Variants in GRM8 observed in about 807,000 individuals in gnomAD.
GRM8 encodes metabotropic glutamate receptor 8.
A neutral mutation model predicts 87.2 loss-of-function variants in GRM8; 47 were observed. The ratio of observed to expected loss-of-function variants is 0.54; its 90% CI spans 0.43 to 0.69. GRM8 has a LOEUF of 0.69. GRM8 is among the 30% of genes least tolerant of loss of function. The probability of loss-of-function intolerance (pLI) is 0.00; values close to 1 mark genes in which losing one functional copy is unlikely to be tolerated. For synonymous variants in GRM8, 396 were observed against 404.5 expected (o/e 0.98, Z 0.25); for missense variants, 1,019 against 1,139.2 (o/e 0.89, Z 1.52).
At chr7:126,702,354 C>T (rs1026915211) in intron 7 of GRM8, among the ~76,000 whole-genome samples, 2 of 152,220 alleles carry the variant, frequency 1.3e-5, no homozygotes, top group African/African-American at 4.8e-5. Flanking sequence ...CCTCATTTTG[C>T]ATACCTTCTT....
chr7:126,799,345 C>CAA (rs1822376520), intron 6 of GRM8, among the ~76,000 whole-genome samples: 2 of 152,038 alleles, frequency 1.3e-5, no homozygotes, highest in African/African-American at 4.8e-5. Context: ...CAACAAACAT[C>CAA]CCACGTGAGA....
chr7:126,908,202 G>A (rs1185127497), intron 3 of GRM8, among the ~76,000 whole-genome samples: 2 of 152,174 alleles, frequency 1.3e-5, no homozygotes, highest in Non-Finnish European at 2.9e-5. Context: ...GTGGGGCAAA[G>A]AGGTCACTGA....
At chr7:127,249,687 C>T (rs1262744831) in intron 1 of GRM8, among the ~76,000 whole-genome samples, 1 of 152,140 alleles carries the variant, frequency 6.6e-6, no homozygotes, top group Non-Finnish European at 1.5e-5. Context: ...ATCTAAATTC[C>T]AATTCCTAGC....
intron 7 of GRM8, among the ~76,000 whole-genome samples, chr7:126,616,759 T>C (rs1799542142): frequency 6.6e-6 from 1 of 152,024 alleles, no homozygotes; most frequent in Admixed American, 6.6e-5. Flanking sequence ...ACTGCGGAAA[T>C]AAACTAGAAA....
chr7:127,015,181 GA>G (rs1815462811), intron 3 of GRM8, among the ~76,000 whole-genome samples: 1 of 38,180 alleles, frequency 2.6e-5, no homozygotes, highest in Admixed American at 3.4e-4. Flanking sequence ...AGAAGGAGAA[GA>G]AGAAGAAGAA....
chr7:126,615,764 A>T (rs549081452), intron 7 of GRM8, among the ~76,000 whole-genome samples: 40 of 152,332 alleles, frequency 2.6e-4, no homozygotes, highest in African/African-American at 9.4e-4. Context: ...AACAAAGATC[A>T]AAAGAGACAA....
intron 2 of GRM8, among the ~76,000 whole-genome samples, chr7:127,113,864 G>A (rs372310735): frequency 1.4e-4 from 22 of 152,272 alleles, no homozygotes; most frequent in African/African-American, 5.3e-4. Context: ...CAAAACATCA[G>A]TATATAATCA....
At chr7:126,532,402 G>A (rs1359383112) in intron 9 of GRM8, among the ~76,000 whole-genome samples, 4 of 152,092 alleles carry the variant, frequency 2.6e-5, no homozygotes, top group Admixed American at 6.5e-5. Context: ...GTTTTTATAC[G>A]TGTGTGTGAT....
intron 8 of GRM8, among the ~76,000 whole-genome samples, 185 bp downstream of exon 8, chr7:126,609,174 CAGG>C (rs1162890247): frequency 6.8e-6 from 1 of 147,176 alleles, no homozygotes; most frequent in Non-Finnish European, 1.5e-5. Context: ...TTACAGATAT[CAGG>C]AGATTTCTCT....
chr7:126,926,378 T>TA (rs1403661301), intron 3 of GRM8, among the ~76,000 whole-genome samples: 2 of 152,130 alleles, frequency 1.3e-5, no homozygotes, highest in Admixed American at 1.3e-4. Context: ...AATGAGTCAC[T>TA]AAGTCCTACT....
intron 2 of GRM8, among the ~76,000 whole-genome samples, chr7:127,138,257 A>C (rs1254553748): frequency 6.6e-6 from 1 of 152,094 alleles, no homozygotes; most frequent in Non-Finnish European, 1.5e-5. Flanking sequence ...CATTCTTTTA[A>C]AATTTTTTTT....
intron 2 of GRM8, among the ~76,000 whole-genome samples, chr7:127,234,237 T>A (rs375602929): frequency 1.3e-5 from 2 of 152,230 alleles, no homozygotes; most frequent in Admixed American, 1.3e-4. Context: ...CAATTCCCAA[T>A]TAATGTATAT....
intron 7 of GRM8, among the ~76,000 whole-genome samples, chr7:126,618,205 C>A (rs577299041): frequency 0.022 from 3,373 of 150,600 alleles, 114 homozygotes; most frequent in African/African-American, 0.078. Context: ...CAGAACAGAG[C>A]CCTCAGAAAT....
At chr7:126,654,230 T>G (rs1240606232) in intron 7 of GRM8, among the ~76,000 whole-genome samples, 1 of 152,220 alleles carries the variant, frequency 6.6e-6, no homozygotes, top group Non-Finnish European at 1.5e-5. Context: ...ATGGTTATAC[T>G]GATCGCCCCT....
At chr7:126,672,686 C>T (rs567413706) in intron 7 of GRM8, among the ~76,000 whole-genome samples, 26 of 152,092 alleles carry the variant, frequency 1.7e-4, no homozygotes, top group Non-Finnish European at 3.2e-4. Flanking sequence ...GGGCTTTTGG[C>T]TTCCCTCTCC....
At chr7:127,007,413 A>T (rs2132079079) in intron 3 of GRM8, among the ~76,000 whole-genome samples, 1 of 152,080 alleles carries the variant, frequency 6.6e-6, no homozygotes, top group East Asian at 1.9e-4. Context: ...TAATTCTTCC[A>T]TAAGAAAACA....
intron 6 of GRM8, among the ~76,000 whole-genome samples, chr7:126,834,543 T>C (rs1377396194): frequency 1.3e-5 from 2 of 152,224 alleles, no homozygotes; most frequent in Non-Finnish European, 2.9e-5. Flanking sequence ...TGTATGGTTG[T>C]AAATGGTTTC....
chr7:126,727,318 C>T (rs114208411), intron 7 of GRM8, among the ~76,000 whole-genome samples: 2 of 151,930 alleles, frequency 1.3e-5, no homozygotes, highest in Non-Finnish European at 2.9e-5. Context: ...TATATTAATA[C>T]ATGAAATCTG....
intron 3 of GRM8, among the ~76,000 whole-genome samples, chr7:126,999,521 A>G (rs967179362): frequency 6.6e-6 from 1 of 151,898 alleles, no homozygotes; most frequent in African/African-American, 2.4e-5. Flanking sequence ...AAAATATAGC[A>G]GTAGCTATAA....
Sources: allele counts gnomAD v4.1 joint callset (sites outside exome capture counted in the v4.1 genomes callset), GRCh38; gene constraint gnomAD v4.1.1; transcripts MANE v1.5; gene names NCBI Gene and HGNC (gene_info 2026-07-23, HGNC 2026-07-21).